ZNF407: variants seen among roughly 807,000 people sequenced by gnomAD.
The protein encoded by ZNF407 is zinc finger protein 407.
ZNF407 carries 17 observed loss-of-function variants against 131.2 expected under a neutral mutation model. The observed-to-expected ratio is 0.13, with a 90% CI of 0.09 to 0.19. The LOEUF is 0.19. ZNF407 is among the 10% of genes least tolerant of loss of function. The pLI, the probability that ZNF407 is intolerant of heterozygous loss-of-function variation, is 1.00. For missense variants in ZNF407, 2,681 were observed against 2,830.6 expected (o/e 0.95, Z 1.20); for synonymous variants, 1,156 against 1,062.0 (o/e 1.09, Z -1.72).
chr18:74,639,861 A>G (rs1256690014), intron 2 of ZNF407, among the ~76,000 whole-genome samples: 2 of 152,018 alleles, frequency 1.3e-5, no homozygotes, highest in East Asian at 3.9e-4. Flanking sequence ...CAATTTCAAC[A>G]AAGTATTCTT....
chr18:74,840,888 G>A (rs1435754271), intron 4 of ZNF407, among the ~76,000 whole-genome samples: 4 of 152,170 alleles, frequency 2.6e-5, no homozygotes, highest in Admixed American at 6.5e-5. Flanking sequence ...AACTAACTCC[G>A]TCTTCCCTCA....
chr18:74,639,965 T>G (rs1436949819), intron 2 of ZNF407, among the ~76,000 whole-genome samples: 2 of 152,276 alleles, frequency 1.3e-5, no homozygotes, highest in African/African-American at 4.8e-5. Flanking sequence ...TTTTTGTATA[T>G]TTATTAAAGT....
At chr18:74,696,417 C>A (rs879451317) in intron 3 of ZNF407, among the ~76,000 whole-genome samples, 12 of 152,196 alleles carry the variant, frequency 7.9e-5, no homozygotes, top group Non-Finnish European at 1.8e-4. Flanking sequence ...TCCTTCCTGA[C>A]AATGCTGCCA....
intron 1 of ZNF407, among the ~76,000 whole-genome samples, chr18:74,603,228 G>C (rs1427606311): frequency 6.6e-6 from 1 of 152,192 alleles, no homozygotes; most frequent in East Asian, 1.9e-4. Flanking sequence ...GAGAGTTGAT[G>C]ATAAGGAATC....
intron 8 of ZNF407, among the ~76,000 whole-genome samples, chr18:74,926,053 C>T (rs552003657): frequency 6.6e-6 from 1 of 152,194 alleles, no homozygotes; most frequent in East Asian, 1.9e-4. Flanking sequence ...CAATTTGATT[C>T]TTTAACCTCA....
intron 8 of ZNF407, among the ~76,000 whole-genome samples, chr18:74,943,250 GATATAACT>G (rs988340424): frequency 6.6e-6 from 1 of 152,186 alleles, no homozygotes; most frequent in African/African-American, 2.4e-5. Flanking sequence ...AGCCCAGAGA[GATATAACT>G]AATACATTTT....
chr18:74,612,059 T>C (rs1397013570), intron 1 of ZNF407, among the ~76,000 whole-genome samples: 5 of 152,256 alleles, frequency 3.3e-5, no homozygotes, highest in Admixed American at 6.5e-5. Flanking sequence ...AGTAGTGAGA[T>C]TGAGTGAATG....
chr18:74,700,618 C>G (rs1967470469), intron 3 of ZNF407, among the ~76,000 whole-genome samples: 1 of 152,216 alleles, frequency 6.6e-6, no homozygotes. Context: ...TCATTCTTCT[C>G]AGCCTTAACT....
intron 3 of ZNF407, among the ~76,000 whole-genome samples, chr18:74,648,643 T>G (rs994904768): frequency 6.6e-6 from 1 of 152,196 alleles, no homozygotes; most frequent in African/African-American, 2.4e-5. Flanking sequence ...GCTATTGATT[T>G]TGGACAATTG....
intron 4 of ZNF407, among the ~76,000 whole-genome samples, chr18:74,784,015 G>A (rs1349723879): frequency 2.6e-5 from 4 of 152,168 alleles, no homozygotes; most frequent in Non-Finnish European, 4.4e-5. Flanking sequence ...TAATCTAGAA[G>A]CAGAAATGCC....
chr18:74,842,621 TGTGA>T (rs1229447406), intron 4 of ZNF407, among the ~76,000 whole-genome samples: 1 of 135,780 alleles, frequency 7.4e-6, no homozygotes, highest in Non-Finnish European at 1.6e-5. Flanking sequence ...TGTGTGTGTG[TGTGA>T]GATTCCTTTT....
intron 3 of ZNF407, among the ~76,000 whole-genome samples, chr18:74,780,757 A>C (rs1344664053): frequency 6.6e-6 from 1 of 152,156 alleles, no homozygotes; most frequent in Non-Finnish European, 1.5e-5. Context: ...CACTGTGTTC[A>C]GGGGTAGAAT....
chr18:74,909,165 C>T (rs1971635916), intron 7 of ZNF407, among the ~76,000 whole-genome samples: 1 of 151,208 alleles, frequency 6.6e-6, no homozygotes, highest in African/African-American at 2.4e-5. Flanking sequence ...TAACTTTGCA[C>T]ACATGATACA....
At chr18:74,766,359 C>T (rs1969232788) in intron 3 of ZNF407, among the ~76,000 whole-genome samples, 1 of 152,154 alleles carries the variant, frequency 6.6e-6, no homozygotes, top group South Asian at 2.1e-4. Context: ...TAAACTTACC[C>T]ATGAGGTTCA....
At chr18:74,720,039 G>T (rs897656473) in intron 3 of ZNF407, among the ~76,000 whole-genome samples, 5 of 152,034 alleles carry the variant, frequency 3.3e-5, no homozygotes, top group Non-Finnish European at 5.9e-5. Context: ...GCATCGCATG[G>T]TTGATCTATT....
chr18:74,665,785 C>T (rs1335527293), intron 3 of ZNF407, among the ~76,000 whole-genome samples: 1 of 152,190 alleles, frequency 6.6e-6, no homozygotes, highest in Non-Finnish European at 1.5e-5. Context: ...TGCTGCCACC[C>T]AGACTCACCT....
chr18:75,003,632 G>A (rs954538652), intron 8 of ZNF407, among the ~76,000 whole-genome samples: 5 of 151,924 alleles, frequency 3.3e-5, no homozygotes, highest in East Asian at 1.9e-4. Flanking sequence ...AAACTTTTAC[G>A]TGTCAAGATC....
intron 3 of ZNF407, among the ~76,000 whole-genome samples, chr18:74,673,900 A>G (rs1252798053): frequency 6.6e-6 from 1 of 152,216 alleles, no homozygotes; most frequent in South Asian, 2.1e-4. Flanking sequence ...AAATATTTAC[A>G]TATATCATCA....
At chr18:74,694,260 A>G (rs755631349) in intron 3 of ZNF407, among the ~76,000 whole-genome samples, 2 of 151,966 alleles carry the variant, frequency 1.3e-5, no homozygotes, top group Non-Finnish European at 1.5e-5. Context: ...ACTTCACTCT[A>G]GGGATAGTTA....
Sources: gnomAD v4.1 joint callset for allele counts (sites outside exome capture counted in the v4.1 genomes callset) on GRCh38, gnomAD v4.1.1 for gene constraint, MANE v1.5 for transcripts, NCBI Gene and HGNC (gene_info 2026-07-23, HGNC 2026-07-21) for gene names.